The following ABCA13 variants were observed in gnomAD, a reference collection of about 807,000 sequenced individuals.
ABCA13 encodes ATP-binding cassette sub-family A member 13.
In ABCA13, 476 loss-of-function variants were observed where a neutral mutation model predicts 478.7. The observed-to-expected ratio is 0.99, with a 90% CI of 0.92 to 1.07. ABCA13 has a LOEUF of 1.07. Ranked by LOEUF, ABCA13 falls within the 50% of genes least tolerant of loss-of-function variation. ABCA13 has a pLI of 0.00. For synonymous variants in ABCA13, 2,252 were observed against 2,158.9 expected, an observed-to-expected ratio of 1.04 and a Z score of -1.20; for missense variants, 6,060 against 5,910.6, an observed-to-expected ratio of 1.03 and a Z score of -0.83.
chr7:48,577,913 G>A (rs1005473852), intron 55 of ABCA13, among the ~76,000 whole-genome samples: 9 of 152,058 alleles, frequency 5.9e-5, no homozygotes, highest in Non-Finnish European at 8.8e-5. Context: ...GGCAAGGTTC[G>A]TTCAATTTTT....
chr7:48,473,521 G>A (rs1490256301), intron 45 of ABCA13, among the ~76,000 whole-genome samples: 1 of 152,124 alleles, frequency 6.6e-6, no homozygotes, highest in Non-Finnish European at 1.5e-5. Flanking sequence ...TATCTGCCTA[G>A]CCAGTTTCTT....
chr7:48,231,875 T>C (rs988676707), intron 7 of ABCA13, among the ~76,000 whole-genome samples: 1 of 152,114 alleles, frequency 6.6e-6, no homozygotes. Flanking sequence ...TTGGCCAGGC[T>C]GGTCTCAAAC....
chr7:48,431,351 C>CAACAAA (rs1822125158), intron 42 of ABCA13, among the ~76,000 whole-genome samples: 1 of 145,986 alleles, frequency 6.8e-6, no homozygotes, highest in Non-Finnish European at 1.5e-5. Flanking sequence ...CAAACAACAA[C>CAACAAA]AACAACAACA....
At chr7:48,457,497 G>A (rs1825806305) in intron 43 of ABCA13, among the ~76,000 whole-genome samples, 1 of 152,108 alleles carries the variant, frequency 6.6e-6, no homozygotes, top group South Asian at 2.1e-4. Context: ...TCATTTGAAA[G>A]CATTTTTCCT....
intron 59 of ABCA13, among the ~76,000 whole-genome samples, chr7:48,633,636 G>A (rs1381905692): frequency 4.0e-5 from 6 of 151,762 alleles, no homozygotes; most frequent in African/African-American, 7.3e-5. Context: ...CAGCATTTTC[G>A]GAGGCCAAGG....
intron 23 of ABCA13, among the ~76,000 whole-genome samples, chr7:48,309,616 C>T (rs376813633): frequency 2.6e-5 from 4 of 151,872 alleles, no homozygotes; most frequent in Non-Finnish European, 5.9e-5. Flanking sequence ...ATGCTAACTA[C>T]GGGGGTGGCA....
chr7:48,184,347 A>C (rs1018092290), intron 1 of ABCA13, among the ~76,000 whole-genome samples: 6 of 152,202 alleles, frequency 3.9e-5, no homozygotes, highest in African/African-American at 1.4e-4. Context: ...ATGTTGAAAT[A>C]GATGCTTCAA....
Position 48,352,451 on chromosome 7 carries a change from C to T in ABCA13, c.10652C>T (p.Thr3551Ile). The T allele has an allele frequency of 1.9e-6, 3 of 1,611,602 alleles. No individual in the cohort carries two copies. The highest frequency in any genetic ancestry group is 1.7e-6 in the Non-Finnish European group (2 of 1,178,740). ...GQEALEPAAQ[T>I]QAAPYPCHTS... ...GAAGCCCTGGAACCAGCAGCACAGA[C>T]TCAGGCGGCCCCTTACCCCTGCCAT... The change falls in exon 31 of 62, where the codon ACT becomes ATT. Residue 3551 changes from threonine (T) to isoleucine (I), a missense_variant. By Grantham distance (89) the Thr-to-Ile change is moderately conservative. Coordinates refer to ENST00000435803, the MANE Select transcript of ABCA13 (RefSeq NM_152701.5).
intron 27 of ABCA13, among the ~76,000 whole-genome samples, chr7:48,323,423 C>T (rs1166898230): frequency 6.6e-6 from 1 of 152,182 alleles, no homozygotes; most frequent in Admixed American, 6.5e-5. Flanking sequence ...TATGCCAAGC[C>T]CTCTGCCCGC....
At position 48,232,139 on chromosome 7, in the gene ABCA13, A is replaced by ATTTTTTTTTTTTTTTTTTTTTTTTTTT. The variant is rs71006559; in HGVS notation, c.764-1854_764-1853insTTTTTTTTTTTTTTTTTTTTTTTTTTT. On this transcript the variant is annotated intron_variant, in intron 7 of 61. Transcript: ENST00000435803. Reference sequence around the variant, plus strand: ...CTCAGCACAGTGAGACCCACATGGAATTTTTTTTTTTTTTTTTTTTTTTTT... The same window carrying ATTTTTTTTTTTTTTTTTTTTTTTTTTT: ...CTCAGCACAGTGAGACCCACATGGAATTTTTTTTTTTTTTTTTTTTTTTTTTTTTTTTTTTTTTTTTTTTTTTTTTTT... Among the ~76,000 whole-genome samples the ATTTTTTTTTTTTTTTTTTTTTTTTTTT allele has an allele frequency of 9.5e-4, 49 of 51,310 alleles. 9 individuals are homozygous for ATTTTTTTTTTTTTTTTTTTTTTTTTTT. The highest frequency in any genetic ancestry group is 3.2e-3 in the South Asian group (4 of 1,244). 33.7% of individuals were successfully genotyped at this position (51,310 alleles called of 152,430 possible).
At chr7:48,568,120 A>G (rs1399835340) in intron 55 of ABCA13, among the ~76,000 whole-genome samples, 1 of 152,128 alleles carries the variant, frequency 6.6e-6, no homozygotes, top group Non-Finnish European at 1.5e-5. Context: ...GATGATTTCC[A>G]CTAACTCTAG....
intron 3 of ABCA13, among the ~76,000 whole-genome samples, chr7:48,210,308 G>A (rs921352984): frequency 1.3e-5 from 2 of 152,060 alleles, no homozygotes; most frequent in Admixed American, 1.3e-4. Context: ...TGGGGGAACT[G>A]CCCCCATGAT....
intron 55 of ABCA13, among the ~76,000 whole-genome samples, chr7:48,571,744 A>G (rs1563452642): frequency 1.3e-5 from 2 of 152,094 alleles, no homozygotes; most frequent in South Asian, 2.1e-4. Flanking sequence ...CAACATTATT[A>G]TTTTCTTTCA....
rs191056792 is a variant in ABCA13, at chr7:48,613,281, C to T, written c.14745-2004C>T. 8.8e-3 allele frequency among the ~76,000 whole-genome samples: 1,332 copies of T among 152,020 alleles called. 18 individuals carry two copies. The highest frequency in any genetic ancestry group is 0.03 in the African/African-American group (1,238 of 41,472). On this transcript the variant is annotated intron_variant, in intron 58 of 61. Transcript: ENST00000435803. ...TCGGCTCACTGCAACCTCCGCCTCC[C>T]GGGTTCAAGTGATTCTCCTGCCTCA...
chr7:48,350,155 TCA>T (rs1434234640), intron 29 of ABCA13, among the ~76,000 whole-genome samples: 2 of 152,364 alleles, frequency 1.3e-5, no homozygotes, highest in East Asian at 1.9e-4. Context: ...TTTGGTTTCC[TCA>T]GTGTCCATGC....
At chr7:48,589,527 A>G (rs1789520443) in intron 57 of ABCA13, among the ~76,000 whole-genome samples, 1 of 152,230 alleles carries the variant, frequency 6.6e-6, no homozygotes, top group East Asian at 1.9e-4. Flanking sequence ...TAATAAACAT[A>G]TTGATGACAT....
rs189877651 is a variant in ABCA13 at position 48,542,225 on chromosome 7, G to A, written c.14354+13880G>A. On this transcript the variant is annotated intron_variant, in intron 55 of 61. Transcript: ENST00000435803. ...TCTTTAATTATCTAATAGTTACAAA[G>A]TGTAATATATTTGGAGAATGAGTTT... Among the ~76,000 whole-genome samples the A allele has an allele frequency of 3.2e-4, 49 of 151,790 alleles. 3 individuals are homozygous for A. Among genetic ancestry groups the A allele is most frequent in the Admixed American group, 1.8e-3 (28 of 15,186 alleles).
intron 29 of ABCA13, among the ~76,000 whole-genome samples, chr7:48,344,810 C>G (rs1386640068): frequency 6.6e-6 from 1 of 152,178 alleles, no homozygotes; most frequent in Admixed American, 6.5e-5. Flanking sequence ...GGAGTGTACT[C>G]AAGGTCTCCA....
Position 48,273,313 on chromosome 7 carries a change from T to C in ABCA13, c.3647T>C (p.Val1216Ala). Residue 1216 changes from valine to alanine, a missense_variant, in exon 17 of 62, where the codon GTA becomes GCA. Physicochemically the swap from Val to Ala is moderately conservative, Grantham distance 64. Transcript: ENST00000435803. ...ARLILNLFKN[V>A]TQANDFHNWE... ...CTCATATTAAATTTGTTTAAAAATG[T>C]AACTCAAGCCAATGACTTCCATAAT... The C allele has an allele frequency of 6.2e-7, 1 of 1,613,610 alleles. No homozygotes were observed. The highest frequency in any genetic ancestry group is 8.5e-7 in the Non-Finnish European group (1 of 1,179,742).
Sources: gnomAD v4.1 joint callset for allele counts (sites outside exome capture counted in the v4.1 genomes callset) on GRCh38, gnomAD v4.1.1 for gene constraint, MANE v1.5 for transcripts, NCBI Gene and HGNC (gene_info 2026-07-23, HGNC 2026-07-21) for gene names.